The following ZBTB20 variants were observed in gnomAD, a reference collection of about 807,000 sequenced individuals.
ZBTB20 encodes the protein zinc finger and BTB domain-containing protein 20.
ZBTB20 carries 9 observed loss-of-function variants against 56.9 expected under a neutral mutation model. The observed-to-expected ratio is 0.16, with a 90% confidence interval of 0.10 to 0.28. ZBTB20 has a LOEUF of 0.28. Among genes scored for constraint, ZBTB20 ranks in the 10% least tolerant of loss-of-function variants. The probability of loss-of-function intolerance (pLI) is 1.00; values close to 1 mark genes in which losing one functional copy is unlikely to be tolerated. For synonymous variants in ZBTB20, 417 were observed against 420.7 expected (o/e 0.99, Z 0.11); for missense variants, 655 against 1,003.0 (o/e 0.65, Z 4.69).
chr3:114,462,419 T>C (rs1218790175), intron 7 of ZBTB20, among the ~76,000 whole-genome samples: 2 of 152,220 alleles, frequency 1.3e-5, no homozygotes, highest in Non-Finnish European at 2.9e-5. Context: ...CAGAATTTAG[T>C]GACAGCTTTG....
At chr3:114,354,862 G>A (rs995457936) in intron 10 of ZBTB20, among the ~76,000 whole-genome samples, 1 of 152,176 alleles carries the variant, frequency 6.6e-6, no homozygotes, top group African/African-American at 2.4e-5. Context: ...TTACAGGCAT[G>A]AGCCACTGTG....
At chr3:114,596,253 G>A (rs568782750) in intron 6 of ZBTB20, among the ~76,000 whole-genome samples, 5 of 152,106 alleles carry the variant, frequency 3.3e-5, no homozygotes, top group African/African-American at 9.6e-5. Flanking sequence ...TCAAACAAAC[G>A]AAAACTACCT....
rs186994060 is a variant in ZBTB20, at chr3:114,726,753, A to G, written c.-342-33178T>C. 3.9e-5 allele frequency among the ~76,000 whole-genome samples: 6 copies of G among 152,068 alleles called. No homozygotes were observed. The East Asian group carries it at 9.7e-4, about 25-fold the overall frequency. ...TGGTGAAACCCCGTCTCTACTAAAA[A>G]TACAAAAATTTAGCCAGGCATGGTG... On this transcript the variant is annotated intron_variant, in intron 5 of 11. Transcript: ENST00000675478.
chr3:115,145,644 C>T (rs1377870774), intron 1 of ZBTB20, among the ~76,000 whole-genome samples: 1 of 152,200 alleles, frequency 6.6e-6, no homozygotes, highest in Non-Finnish European at 1.5e-5. Flanking sequence ...GTTAAATCCA[C>T]AGATGCAGAA....
At position 114,640,195 on chromosome 3, in the gene ZBTB20, TG is replaced by T. The variant is rs201921476; in HGVS notation, c.-295+53332del. ...TTACTGGGGGATATTGCATAGATCA[TG>T]TCTTTTGGTCCAACAGTTTGGGCTG... is the stretch of plus-strand genomic sequence containing the variant. On this transcript the variant is annotated intron_variant, in intron 6 of 11. Coordinates refer to ENST00000675478, the MANE Select transcript of ZBTB20 (RefSeq NM_001348800.3). 6.3e-4 allele frequency among the ~76,000 whole-genome samples: 96 copies of T among 152,190 alleles called. 1 individual carries two copies. In the East Asian group the frequency reaches 0.018, roughly 29 times the overall value.
Position 114,680,341 on chromosome 3 carries a change from C to T in ZBTB20, c.-295+13187G>A, listed in dbSNP as rs1259857097. Among the ~76,000 whole-genome samples the T allele has an allele frequency of 3.9e-5, 6 of 152,038 alleles. No individual in the cohort carries two copies. The East Asian group carries it at 7.7e-4, about 20-fold the overall frequency. ...ATAAAAAAAAGAATTAACCACAGTGCCTTGCCTATTCTTCTATAACAGTAT... is the reference window on the plus strand; with the variant it reads ...ATAAAAAAAAGAATTAACCACAGTGTCTTGCCTATTCTTCTATAACAGTAT... On this transcript the variant is annotated intron_variant, in intron 6 of 11. Coordinates refer to ENST00000675478, the MANE Select transcript of ZBTB20 (RefSeq NM_001348800.3).
Position 114,319,114 on chromosome 3 carries a change from T to C in ZBTB20, c.*19891A>G, listed in dbSNP as rs1056729050. On this transcript the variant is annotated 3_prime_UTR_variant, in exon 12 of 12. Coordinates refer to ENST00000675478, the MANE Select transcript of ZBTB20 (RefSeq NM_001348800.3). The stretch of plus-strand genomic sequence containing the variant: ...AGTAATTTTTTTTTAACCTCAAAAC[T>C]GCAGCATATCCTTAAGGGCAAACTT... 6 of 151,672 alleles carry C rather than the reference T, an allele frequency of 4.0e-5. No individual in the cohort carries two copies. The allele number at this position is 151,672 out of a possible 1,614,324, so 9.4% of individuals were successfully genotyped here.
At chr3:114,803,569 T>C (rs2071875805) in intron 4 of ZBTB20, among the ~76,000 whole-genome samples, 1 of 151,816 alleles carries the variant, frequency 6.6e-6, no homozygotes, top group Non-Finnish European at 1.5e-5. Context: ...GGACCAGTTG[T>C]CTTTGATATG....
At chr3:115,087,580 C>T (rs932910531) in intron 1 of ZBTB20, among the ~76,000 whole-genome samples, 2 of 151,770 alleles carry the variant, frequency 1.3e-5, no homozygotes, top group Non-Finnish European at 2.9e-5. Flanking sequence ...TCTTTATCAG[C>T]AAAAAAGCTG....
intron 7 of ZBTB20, among the ~76,000 whole-genome samples, chr3:114,479,022 A>G (rs1158590528): frequency 1.3e-5 from 2 of 148,472 alleles, no homozygotes; most frequent in Non-Finnish European, 3.0e-5. Context: ...CTATAGTTAC[A>G]GCTGGCTCTG....
rs188983533 is a variant in ZBTB20, at chr3:114,888,551, G to C, written c.-417+11753C>G. 2.4e-4 allele frequency among the ~76,000 whole-genome samples: 37 copies of C among 152,262 alleles called. 1 individual carries two copies. In the South Asian group the frequency reaches 7.3e-3, roughly 30 times the overall value. ...CAAATAAAAAATTATTTATGTTCCT[G>C]AAGAACTTGATTCAGAGAGTAAATA... On this transcript the variant is annotated intron_variant, in intron 4 of 11. Transcript: ENST00000675478.
intron 4 of ZBTB20, among the ~76,000 whole-genome samples, chr3:114,838,840 G>A (rs1217098135): frequency 6.6e-6 from 1 of 152,100 alleles, no homozygotes; most frequent in Non-Finnish European, 1.5e-5. Context: ...TGGATGTATG[G>A]ATTGGAGTTT....
intron 2 of ZBTB20, among the ~76,000 whole-genome samples, chr3:114,984,989 C>G (rs996211328): frequency 1.3e-5 from 2 of 152,054 alleles, no homozygotes; most frequent in African/African-American, 2.4e-5. Context: ...CCCTTCTCAT[C>G]ATTCAGTCCT....
At chr3:115,145,552 AG>A (rs1220132712) in intron 1 of ZBTB20, among the ~76,000 whole-genome samples, 1 of 152,226 alleles carries the variant, frequency 6.6e-6, no homozygotes, top group Admixed American at 6.5e-5. Flanking sequence ...TGTATTGTTT[AG>A]GGAATTGTGG....
intron 3 of ZBTB20, among the ~76,000 whole-genome samples, chr3:114,912,126 A>G (rs1576304985): frequency 7.2e-5 from 2 of 27,864 alleles, no homozygotes; most frequent in African/African-American, 6.9e-5. Context: ...TCAAAGTGCT[A>G]AAAGAAAAAA....
chr3:114,809,024 T>C (rs371459355), intron 4 of ZBTB20, among the ~76,000 whole-genome samples: 12 of 152,214 alleles, frequency 7.9e-5, no homozygotes, highest in African/African-American at 2.9e-4. Context: ...ACCTCCTGGC[T>C]TTGTTTCTAA....
At chr3:114,551,059 T>A (rs1421224866) in intron 6 of ZBTB20, among the ~76,000 whole-genome samples, 1 of 152,264 alleles carries the variant, frequency 6.6e-6, no homozygotes, top group Non-Finnish European at 1.5e-5. Context: ...CCAAAATAAA[T>A]TTTTTTAAAG....
At chr3:114,571,421 G>T (rs973276335) in intron 6 of ZBTB20, among the ~76,000 whole-genome samples, 9 of 152,138 alleles carry the variant, frequency 5.9e-5, no homozygotes, top group African/African-American at 7.2e-5. Context: ...TTAGGTCAAA[G>T]AACTCAAAAT....
intron 5 of ZBTB20, among the ~76,000 whole-genome samples, chr3:114,734,600 ACAT>A (rs1217974763): frequency 6.6e-6 from 1 of 152,146 alleles, no homozygotes; most frequent in Non-Finnish European, 1.5e-5. Context: ...GGTCACAGAA[ACAT>A]CATCAAGTTT....
Sources: gnomAD v4.1 joint callset for allele counts (sites outside exome capture counted in the v4.1 genomes callset) on GRCh38, gnomAD v4.1.1 for gene constraint, MANE v1.5 for transcripts, NCBI Gene and HGNC (gene_info 2026-07-23, HGNC 2026-07-21) for gene names.